Variants in INPP5A observed in about 807,000 individuals in gnomAD.
The protein encoded by INPP5A is 43 kDa inositol polyphosphate 5-phophatase.
In INPP5A, 14 loss-of-function variants were observed where a neutral mutation model predicts 65.2. That is an observed-to-expected ratio of 0.21 (90% confidence interval 0.14 to 0.34). INPP5A has a LOEUF of 0.34. Among genes scored for constraint, INPP5A ranks in the 10% least tolerant of loss-of-function variants. The pLI, the probability that INPP5A is intolerant of heterozygous loss-of-function variation, is 1.00. For missense variants in INPP5A, 431 were observed against 545.6 expected, an observed-to-expected ratio of 0.79 and a Z score of 2.09; for synonymous variants, 207 against 208.3, an observed-to-expected ratio of 0.99 and a Z score of 0.05.
chr10:132,692,074 G>C (rs59693936), intron 5 of INPP5A, among the ~76,000 whole-genome samples: 2 of 152,126 alleles, frequency 1.3e-5, no homozygotes, highest in Non-Finnish European at 1.5e-5. Flanking sequence ...GGTTGGGCTC[G>C]AGGGTCAGGC....
intron 9 of INPP5A, among the ~76,000 whole-genome samples, chr10:132,730,041 T>C (rs1846055279): frequency 6.6e-6 from 1 of 152,150 alleles, no homozygotes; most frequent in Non-Finnish European, 1.5e-5. Context: ...AATTGAGTCG[T>C]CACTGTTTTT....
chr10:132,607,779 GA>G, intron 1 of INPP5A, 135 bp from the exon 2 acceptor site: 1 of 832,400 alleles, frequency 1.2e-6, no homozygotes, highest in East Asian at 2.4e-5. Context: ...CGTGCGGGTG[GA>G]GCTCCTCCAT....
At chr10:132,765,099 G>A (rs536489497) in intron 11 of INPP5A, among the ~76,000 whole-genome samples, 2 of 150,824 alleles carry the variant, frequency 1.3e-5, no homozygotes, top group African/African-American at 2.4e-5. Context: ...GTGGGAGGGT[G>A]TGCGTGGTGA....
chr10:132,712,927 T>TGCATGCATGGGTGTGG lies in INPP5A; in HGVS notation c.647+2474_647+2489dup, dbSNP rs747441649. Among the ~76,000 whole-genome samples, 186 of 151,366 alleles carry TGCATGCATGGGTGTGG rather than the reference T, an allele frequency of 1.2e-3. 1 individual carries two copies. Among genetic ancestry groups the TGCATGCATGGGTGTGG allele is most frequent in the Non-Finnish European group, 2.0e-3 (136 of 67,796 alleles). On this transcript the variant is annotated intron_variant, in intron 8 of 15. Coordinates refer to ENST00000368594, the MANE Select transcript of INPP5A (RefSeq NM_005539.5). ...AGGTGTGTGCATGTGTGTGGGTGTG[T>TGCATGCATGGGTGTGG]GCATGCATGGGTGTGGGCGTGTGGG...
intron 1 of INPP5A, among the ~76,000 whole-genome samples, chr10:132,601,203 T>C (rs1458538579): frequency 2.0e-5 from 3 of 152,238 alleles, no homozygotes; most frequent in African/African-American, 7.2e-5. Context: ...TCCTAATGGG[T>C]GTGAAATGGC....
intron 4 of INPP5A, among the ~76,000 whole-genome samples, chr10:132,683,907 G>A (rs937596143): frequency 2.6e-5 from 4 of 152,180 alleles, no homozygotes; most frequent in African/African-American, 7.2e-5. Flanking sequence ...TAGAGATGGG[G>A]TTTCGCCATG....
chr10:132,679,729 A>G (rs1462790203), intron 4 of INPP5A, among the ~76,000 whole-genome samples: 1 of 152,254 alleles, frequency 6.6e-6, no homozygotes, highest in Non-Finnish European at 1.5e-5. Context: ...CAAAGAGTTC[A>G]CAGAAGAAAC....
intron 9 of INPP5A, among the ~76,000 whole-genome samples, chr10:132,735,504 C>T (rs1033872547): frequency 2.6e-5 from 4 of 152,332 alleles, no homozygotes; most frequent in South Asian, 4.1e-4. Flanking sequence ...CGAAGGGACA[C>T]GTGAGTGTAA....
chr10:132,736,941 C>T (rs948682716), intron 9 of INPP5A, among the ~76,000 whole-genome samples: 3 of 152,226 alleles, frequency 2.0e-5, no homozygotes, highest in Admixed American at 1.3e-4. Flanking sequence ...ATCCCTCAGC[C>T]GTGGGCACAG....
chr10:132,545,222 T>C lies in INPP5A; in HGVS notation c.75+7051T>C, dbSNP rs1590817815. 6.6e-6 allele frequency among the ~76,000 whole-genome samples: 1 copy of C among 151,158 alleles called. No individual in the cohort carries two copies. The highest frequency in any genetic ancestry group is 6.6e-5 in the Admixed American group (1 of 15,200). ...TTGGGGGAAGAGGCTGGTACTGGGG[T>C]GTTTCCGTGGACTTGTTGGGTCTGA... On this transcript the variant is annotated intron_variant, in intron 1 of 15. Transcript: ENST00000368594. This position sits in a 1 kb window ranked among gnomAD's most constrained non-coding sequence, Gnocchi z 4.6.
intron 1 of INPP5A, among the ~76,000 whole-genome samples, chr10:132,596,434 GTTTT>G (rs796621283): frequency 4.9e-5 from 7 of 142,780 alleles, no homozygotes; most frequent in Non-Finnish European, 1.1e-4. Flanking sequence ...GTTTTGTTTT[GTTTT>G]TTTTTTTTGA....
chr10:132,725,245 A>C (rs555127875), intron 8 of INPP5A, among the ~76,000 whole-genome samples: 178 of 152,378 alleles, frequency 1.2e-3, no homozygotes, highest in African/African-American at 4.1e-3. Flanking sequence ...CTCCATAGCC[A>C]AAGTGAAATA....
At chr10:132,670,846 T>C (rs2072880919) in intron 4 of INPP5A, among the ~76,000 whole-genome samples, 1 of 143,448 alleles carries the variant, frequency 7.0e-6, no homozygotes. Flanking sequence ...TTTCTTTCTT[T>C]TTTTTTTTTT....
At chr10:132,759,970 A>G (rs571883590) in intron 11 of INPP5A, among the ~76,000 whole-genome samples, 3 of 152,152 alleles carry the variant, frequency 2.0e-5, no homozygotes, top group Non-Finnish European at 2.9e-5. Context: ...TTCGGTGCTC[A>G]GCCACGCAGC....
chr10:132,610,164 C>T (rs1049345275), intron 2 of INPP5A, among the ~76,000 whole-genome samples: 1 of 152,198 alleles, frequency 6.6e-6, no homozygotes, highest in Non-Finnish European at 1.5e-5. Context: ...AGTGGCCAGG[C>T]TCTACCTGGG....
intron 1 of INPP5A, among the ~76,000 whole-genome samples, chr10:132,596,271 T>C (rs2133321417): frequency 6.6e-6 from 1 of 152,276 alleles, no homozygotes; most frequent in East Asian, 1.9e-4. Context: ...TAAAGACCAG[T>C]TTGGGCAGGA....
At chr10:132,702,616 C>T (rs555844740) in intron 6 of INPP5A, among the ~76,000 whole-genome samples, 38 of 152,324 alleles carry the variant, frequency 2.5e-4, no homozygotes, top group South Asian at 8.3e-4. Context: ...AATTCAGAGG[C>T]GTGCGTGCAG....
At chr10:132,596,805 G>A (rs907889783) in intron 1 of INPP5A, among the ~76,000 whole-genome samples, 33 of 151,432 alleles carry the variant, frequency 2.2e-4, no homozygotes, top group Middle Eastern at 3.4e-3. Context: ...ACATGTGCGC[G>A]TTTGTGTGTG....
intron 8 of INPP5A, among the ~76,000 whole-genome samples, chr10:132,716,702 G>A (rs1475169732): frequency 6.6e-6 from 1 of 152,228 alleles, no homozygotes; most frequent in African/African-American, 2.4e-5. Flanking sequence ...GGGTCCTGGA[G>A]GTTGAGGCAC....
Sources: allele counts gnomAD v4.1 joint callset (sites outside exome capture counted in the v4.1 genomes callset), GRCh38; gene constraint gnomAD v4.1.1; non-coding constraint Gnocchi (gnomAD v3.1); transcripts MANE v1.5; gene names NCBI Gene and HGNC (gene_info 2026-07-23, HGNC 2026-07-21).